The following ADAMTS3 variants were observed in gnomAD, a reference collection of about 807,000 sequenced individuals.
The protein encoded by ADAMTS3 is ADAM metallopeptidase with thrombospondin type 1 motif 3, also known as A disintegrin and metalloproteinase with thrombospondin motifs 3.
Under a neutral mutation model 129.0 loss-of-function variants are expected in ADAMTS3, and 73 were observed. That is an observed-to-expected ratio of 0.57 (90% CI 0.47 to 0.69). The LOEUF (loss-of-function observed/expected upper bound fraction) is 0.69. Ranked by LOEUF, ADAMTS3 falls within the 30% of genes least tolerant of loss-of-function variation. The probability of loss-of-function intolerance (pLI) is 0.00; values close to 1 mark genes in which losing one functional copy is unlikely to be tolerated. For synonymous variants in ADAMTS3, 477 were observed against 510.8 expected (o/e 0.93, Z 0.89); for missense variants, 1,457 against 1,514.5 (o/e 0.96, Z 0.63).
intron 4 of ADAMTS3, among the ~76,000 whole-genome samples, chr4:72,366,845 GA>G (rs1298627751): frequency 6.6e-6 from 1 of 151,704 alleles, no homozygotes; most frequent in East Asian, 1.9e-4. Context: ...GGGGAATAAG[GA>G]AAGTCTGAAC....
At chr4:72,445,994 A>T (rs1718243727) in intron 3 of ADAMTS3, among the ~76,000 whole-genome samples, 1 of 151,728 alleles carries the variant, frequency 6.6e-6, no homozygotes, top group African/African-American at 2.4e-5. Context: ...AGAAGAGCAA[A>T]CTAAAAGAAA....
intron 2 of ADAMTS3, among the ~76,000 whole-genome samples, chr4:72,550,477 T>C (rs952696150): frequency 6.6e-5 from 10 of 152,168 alleles, no homozygotes; most frequent in African/African-American, 2.4e-4. Context: ...CCTCTTAAAA[T>C]TACCAATGTA....
chr4:72,550,385 T>G (rs1047519781), intron 2 of ADAMTS3, among the ~76,000 whole-genome samples: 1 of 152,100 alleles, frequency 6.6e-6, no homozygotes, highest in Non-Finnish European at 1.5e-5. Context: ...CCTCAGGCAA[T>G]AAGTGAAATG....
At chr4:72,432,630 A>C (rs548988673) in intron 3 of ADAMTS3, among the ~76,000 whole-genome samples, 1 of 152,100 alleles carries the variant, frequency 6.6e-6, no homozygotes, top group Non-Finnish European at 1.5e-5. Context: ...AAAGATTATG[A>C]TACTTAAGTA....
At chr4:72,429,671 C>T (rs1722650705) in intron 3 of ADAMTS3, among the ~76,000 whole-genome samples, 1 of 151,950 alleles carries the variant, frequency 6.6e-6, no homozygotes, top group Non-Finnish European at 1.5e-5. Context: ...ATAGTCATTG[C>T]TCCTAAAAAG....
intron 21 of ADAMTS3, among the ~76,000 whole-genome samples, chr4:72,287,332 G>C (rs1301875550): frequency 6.6e-6 from 1 of 151,748 alleles, no homozygotes; most frequent in Non-Finnish European, 1.5e-5. Context: ...CAGTGGAGGA[G>C]ATAAGAGACA....
intron 2 of ADAMTS3, among the ~76,000 whole-genome samples, chr4:72,562,421 C>T (rs1429924560): frequency 1.3e-5 from 2 of 152,098 alleles, no homozygotes; most frequent in Non-Finnish European, 2.9e-5. Flanking sequence ...ACATACACAA[C>T]ACTGTGTGGC....
In ADAMTS3 at chr4:72,294,853, C is replaced by T. The variant is rs530297807; in HGVS notation, c.2723+801G>A. Among the ~76,000 whole-genome samples the T allele has an allele frequency of 4.0e-5, 6 of 151,818 alleles. No individual in the cohort carries two copies. In the South Asian group the frequency reaches 1.2e-3, roughly 32 times the overall value. ...TTATAGTTTGGAGTAACAGTAAATC[C>T]CAGAGAAGAGAAACGTAGTAGGAAT... On this transcript the variant is annotated intron_variant, in intron 19 of 21. Transcript: ENST00000286657.
At chr4:72,533,588 T>C (rs2109767288) in intron 3 of ADAMTS3, among the ~76,000 whole-genome samples, 1 of 152,190 alleles carries the variant, frequency 6.6e-6, no homozygotes, top group African/African-American at 2.4e-5. Context: ...GCAGTACATT[T>C]ATATGTATAC....
rs547790786 is a variant in ADAMTS3, at chr4:72,549,437, T to A, written c.98-553A>T. On this transcript the variant is annotated intron_variant, in intron 2 of 21. Coordinates refer to ENST00000286657, the MANE Select transcript of ADAMTS3 (RefSeq NM_014243.3). Reference sequence around the variant, plus strand: ...ACCATAACAACCCTAACAACCATACTTCACAGGTGAGAAAACTGAGATTCA... The same window carrying A: ...ACCATAACAACCCTAACAACCATACATCACAGGTGAGAAAACTGAGATTCA... 1.1e-3 allele frequency among the ~76,000 whole-genome samples: 168 copies of A among 152,246 alleles called. 2 individuals are homozygous for A. In the South Asian group the frequency reaches 0.013, roughly 12 times the overall value.
intron 17 of ADAMTS3, among the ~76,000 whole-genome samples, chr4:72,298,899 ATTG>A (rs1339595285): frequency 1.3e-5 from 2 of 151,836 alleles, no homozygotes; most frequent in East Asian, 3.9e-4. Flanking sequence ...TTCAACGGAA[ATTG>A]TTGTGTTGTG....
intron 4 of ADAMTS3, among the ~76,000 whole-genome samples, chr4:72,363,654 C>A (rs1223632608): frequency 6.6e-6 from 1 of 152,000 alleles, no homozygotes; most frequent in Non-Finnish European, 1.5e-5. Flanking sequence ...GCACAAGAAT[C>A]TGTTATGTAA....
At chr4:72,423,956 A>AT (rs1212898912) in intron 3 of ADAMTS3, among the ~76,000 whole-genome samples, 2 of 152,138 alleles carry the variant, frequency 1.3e-5, no homozygotes, top group East Asian at 3.9e-4. Flanking sequence ...GCCAGAGGGA[A>AT]TTTTTATCTC....
intron 3 of ADAMTS3, among the ~76,000 whole-genome samples, chr4:72,452,010 G>A (rs1400875749): frequency 6.6e-6 from 1 of 151,660 alleles, no homozygotes; most frequent in African/African-American, 2.4e-5. Context: ...GGATGCTTGA[G>A]CACAGGAGGT....
intron 21 of ADAMTS3, among the ~76,000 whole-genome samples, chr4:72,285,838 C>CA (rs1560458286): frequency 6.9e-6 from 1 of 145,964 alleles, no homozygotes; most frequent in Non-Finnish European, 1.5e-5. Flanking sequence ...CAATCAATTA[C>CA]AAAAAAATTA....
At position 72,281,265 on chromosome 4, in the gene ADAMTS3, A is replaced by T. The variant is rs922001822; in HGVS notation, c.*1871T>A. Reference sequence around the variant, plus strand: ...TGTTTTACTATCTGGAATTTGCCTAATTTGACCTTCAAAGTTCTTGCACAA... The same window carrying T: ...TGTTTTACTATCTGGAATTTGCCTATTTTGACCTTCAAAGTTCTTGCACAA... On this transcript the variant is annotated 3_prime_UTR_variant, in exon 22 of 22. Coordinates refer to ENST00000286657, the MANE Select transcript of ADAMTS3 (RefSeq NM_014243.3). 7.9e-5 allele frequency: 12 copies of T among 152,578 alleles called. No individual in the cohort carries two copies. The highest frequency in any genetic ancestry group is 2.9e-4 in the African/African-American group (12 of 41,446). 9.5% of individuals were successfully genotyped at this position (152,578 alleles called of 1,614,324 possible).
chr4:72,319,785 G>A (rs761821527), intron 8 of ADAMTS3, 73 bp downstream of exon 8: 6 of 1,261,050 alleles, frequency 4.8e-6, no homozygotes, highest in South Asian at 3.7e-5. Context: ...TCTGCCCAAA[G>A]AGGAAACAAT....
At chr4:72,293,371 G>A (rs1718726064) in intron 19 of ADAMTS3, among the ~76,000 whole-genome samples, 1 of 152,088 alleles carries the variant, frequency 6.6e-6, no homozygotes, top group African/African-American at 2.4e-5. Flanking sequence ...TTTATCCTCT[G>A]TAGAATGTGA....
chr4:72,327,273 T>C (rs537118304), intron 5 of ADAMTS3, among the ~76,000 whole-genome samples: 3 of 152,264 alleles, frequency 2.0e-5, no homozygotes, highest in African/African-American at 7.2e-5. Flanking sequence ...TCTGTCAAGA[T>C]GGGCTAAATT....
Sources: gnomAD v4.1 joint callset for allele counts (sites outside exome capture counted in the v4.1 genomes callset) on GRCh38, gnomAD v4.1.1 for gene constraint, MANE v1.5 for transcripts, NCBI Gene and HGNC (gene_info 2026-07-23, HGNC 2026-07-21) for gene names.